MAP3K15: variants seen among roughly 807,000 people sequenced by gnomAD.
The protein encoded by MAP3K15 is mitogen-activated protein kinase kinase kinase 15, also known as MAPK/ERK kinase kinase 15.
MAP3K15 carries 124 observed loss-of-function variants against 99.5 expected under a neutral mutation model. The ratio of observed to expected loss-of-function variants is 1.25; its 90% CI spans 1.08 to 1.45. The LOEUF is 1.45. Among genes scored for constraint, MAP3K15 ranks in the 40% most tolerant of loss-of-function variants. The pLI is 0.00. For synonymous variants in MAP3K15, 494 were observed against 439.6 expected (o/e 1.12, Z -1.55); for missense variants, 1,242 against 1,079.7 (o/e 1.15, Z -2.11).
At chrX:19,378,558 G>A (rs190895130) in intron 19 of MAP3K15, among the ~76,000 whole-genome samples, 47 of 111,372 alleles carry the variant, frequency 4.2e-4, no homozygotes, top group African/African-American at 1.5e-3. Flanking sequence ...AGAAGAACTG[G>A]ATGGGGGAAA....
At chrX:19,499,152 A>G (rs1415508009) in intron 1 of MAP3K15, among the ~76,000 whole-genome samples, 1 of 112,228 alleles carries the variant, frequency 8.9e-6, no homozygotes, top group Non-Finnish European at 1.9e-5. Context: ...AGATATCTGC[A>G]TGTCCAAAAA....
rs759048123 is a variant in MAP3K15 at position 19,415,114 on chromosome X, C to G, written c.1583G>C (p.Arg528Thr). The G allele has an allele frequency of 2.6e-6, 3 of 1,154,286 alleles. No homozygotes were observed. Among genetic ancestry groups the G allele is most frequent in the Non-Finnish European group, 3.4e-6 (3 of 874,503 alleles). Residue 528 changes from arginine to threonine, a missense_variant, in exon 10 of 29, where the codon AGA becomes ACA. Arg to Thr is a moderately conservative substitution (Grantham distance 71). Coordinates refer to ENST00000338883, the MANE Select transcript of MAP3K15 (RefSeq NM_001001671.4). ...EATNEVTNGLRFPVLVIEPTK... is the reference protein window; with the variant it reads ...EATNEVTNGLTFPVLVIEPTK... ...GGATTTAGCATATCTTACTGGAAAT[C>G]TGAGTCCATTAGTGACTTCATTTGT...
intron 18 of MAP3K15, among the ~76,000 whole-genome samples, chrX:19,382,282 G>GC (rs1212260444): frequency 9.5e-6 from 1 of 105,302 alleles, no homozygotes; most frequent in African/African-American, 3.5e-5. Context: ...AGCAAAGGGC[G>GC]CACTGGCTAT....
Position 19,514,926 on chromosome X carries a change from G to A in MAP3K15, c.336C>T (p.Ala112=), listed in dbSNP as rs1367402027. The change falls in exon 1 of 29, where the codon GCC becomes GCT. Residue 112 remains alanine (A), a synonymous_variant. Coordinates refer to ENST00000338883, the MANE Select transcript of MAP3K15 (RefSeq NM_001001671.4). ...PFGELDFGET[A]VLDAFYDADV... ...CTGCGTCGTAGAAGGCGTCGAGCAC[G>A]GCCGTCTCCCCGAAGTCCAGCTCCC... is the stretch of plus-strand genomic sequence containing the variant. 17 of 1,143,541 alleles carry A rather than the reference G, an allele frequency of 1.5e-5. No individual in the cohort carries two copies. The highest frequency in any genetic ancestry group is 1.6e-5 in the Non-Finnish European group (14 of 865,502). The allele number at this position is 1,143,541 out of a possible 1,213,427, so 94.2% of individuals were successfully genotyped here.
At chrX:19,360,854 T>C (rs1198674515) in intron 28 of MAP3K15, 21 bp from the exon 29 acceptor site, 3 of 1,137,498 alleles carry the variant, frequency 2.6e-6, no homozygotes, top group Non-Finnish European at 3.6e-6. Context: ...AACACAGCTG[T>C]CTTCAGAGTC....
At chrX:19,463,704 A>G (rs930461578) in intron 4 of MAP3K15, among the ~76,000 whole-genome samples, 1 of 111,232 alleles carries the variant, frequency 9.0e-6, no homozygotes, top group Non-Finnish European at 1.9e-5. Context: ...CCTAACCTAA[A>G]TCTAAAGAGA....
rs369062028 is a variant in MAP3K15 at position 19,374,563 on chromosome X, C to T, written c.2687G>A (p.Arg896His). 4.1e-5 allele frequency: 50 copies of T among 1,209,510 alleles called. No homozygotes were observed. The highest frequency in any genetic ancestry group is 2.3e-4 in the African/African-American group (13 of 57,034). Residue 896 changes from arginine to histidine, a missense_variant, in exon 20 of 29, where the codon CGT becomes CAT. Arg to His is a conservative substitution (Grantham distance 29). Transcript: ENST00000338883. ...TCTCAGTAGCTCAGCAGTGGTGGCA[C>T]GTTTGTGGGGGTCAGGCTCGAAACA... Reference protein sequence around the residue: ...LSCFEPDPHKRATTAELLREG... With the variant: ...LSCFEPDPHKHATTAELLREG...
At chrX:19,387,617 G>A (rs1371468083) in intron 18 of MAP3K15, among the ~76,000 whole-genome samples, 2 of 110,815 alleles carry the variant, frequency 1.8e-5, no homozygotes, top group Non-Finnish European at 3.8e-5. Context: ...AAACTCCTGG[G>A]CTCAAGCGAT....
At chrX:19,473,801 C>T (rs1310483595) in intron 3 of MAP3K15, among the ~76,000 whole-genome samples, 3 of 111,865 alleles carry the variant, frequency 2.7e-5, no homozygotes, top group Non-Finnish European at 3.8e-5. Context: ...AAAGACTGTC[C>T]TATGTCATCA....
At position 19,374,632 on chromosome X, in the gene MAP3K15, A is replaced by C. The variant is rs764860702; in HGVS notation, c.2618T>G (p.Ile873Ser). 14 of 1,211,245 alleles carry C rather than the reference A, an allele frequency of 1.2e-5. No individual in the cohort carries two copies. Among genetic ancestry groups the C allele is most frequent in the Non-Finnish European group, 1.6e-5 (14 of 895,204 alleles). The change falls in exon 20 of 29, where the codon ATT becomes AGT. Residue 873 changes from isoleucine (I) to serine (S), a missense_variant. Physicochemically the swap from Ile to Ser is moderately radical, Grantham distance 142. Transcript: ENST00000338883. ...KVGMFKIHPE[I>S]PEALSAEARA... The stretch of plus-strand genomic sequence containing the variant: ...GGCTTCAGCTGAAAGGGCTTCTGGA[A>C]TCTCAGGGTGGATCTTAAACATGCC...
At chrX:19,512,360 C>T (rs910820891) in intron 1 of MAP3K15, among the ~76,000 whole-genome samples, 2 of 112,087 alleles carry the variant, frequency 1.8e-5, no homozygotes, top group Admixed American at 9.5e-5. Context: ...AACAGTTCCC[C>T]TCCCCCACAA....
At chrX:19,495,340 A>G (rs967810164) in intron 1 of MAP3K15, among the ~76,000 whole-genome samples, 2 of 111,394 alleles carry the variant, frequency 1.8e-5, no homozygotes, top group Non-Finnish European at 3.8e-5. Flanking sequence ...TTATTTTCCA[A>G]TCTCATAAGA....
At chrX:19,377,733 C>T (rs1261600767) in intron 19 of MAP3K15, among the ~76,000 whole-genome samples, 1 of 111,783 alleles carries the variant, frequency 8.9e-6, no homozygotes, top group East Asian at 2.8e-4. Flanking sequence ...TTTTCCTCGT[C>T]ACCAGCTGCT....
At position 19,424,331 on chromosome X, in the gene MAP3K15, TA is replaced by T. The variant is rs776658900; in HGVS notation, c.1439+1199del. The stretch of plus-strand genomic sequence containing the variant: ...ACACATATATATACATATATATATA[TA>T]TTTTTTTATGCTTTAAGTTCTAGGG... On this transcript the variant is annotated intron_variant, in intron 9 of 28. Coordinates refer to ENST00000338883, the MANE Select transcript of MAP3K15 (RefSeq NM_001001671.4). Among the ~76,000 whole-genome samples, 720 of 100,991 alleles carry T rather than the reference TA, an allele frequency of 7.1e-3. 5 individuals are homozygous for T. Among genetic ancestry groups the T allele is most frequent in the African/African-American group, 0.018 (415 of 22,883 alleles). 87.7% of individuals were successfully genotyped at this position (100,991 alleles called of 115,157 possible).
At chrX:19,361,253 G>A in intron 28 of MAP3K15, 86 bp downstream of exon 28, 1 of 791,139 alleles carries the variant, frequency 1.3e-6, no homozygotes, top group Non-Finnish European at 1.8e-6. Context: ...TTTGGGGGGA[G>A]GCCCAGCCCT....
intron 3 of MAP3K15, among the ~76,000 whole-genome samples, chrX:19,483,272 A>G (rs1444694315): frequency 1.8e-5 from 2 of 109,548 alleles, no homozygotes; most frequent in Non-Finnish European, 3.8e-5. Flanking sequence ...AAAAAAAAAA[A>G]AAAGAAATGG....
At chrX:19,445,186 G>A (rs2063986551) in intron 6 of MAP3K15, among the ~76,000 whole-genome samples, 1 of 110,608 alleles carries the variant, frequency 9.0e-6, no homozygotes, top group Non-Finnish European at 1.9e-5. Context: ...AAACTTCCTA[G>A]GCTCATCTCC....
At chrX:19,454,497 C>T (rs1043949182) in intron 6 of MAP3K15, among the ~76,000 whole-genome samples, 23 of 111,853 alleles carry the variant, frequency 2.1e-4, no homozygotes, top group African/African-American at 5.2e-4. Flanking sequence ...GGCTTCTGAA[C>T]GCAGTGGAGT....
At chrX:19,495,165 C>A (rs2064392347) in intron 1 of MAP3K15, among the ~76,000 whole-genome samples, 1 of 111,562 alleles carries the variant, frequency 9.0e-6, no homozygotes, top group South Asian at 3.7e-4. Context: ...GCATGCACCA[C>A]CATGCCTGGC....
Sources: gnomAD v4.1 joint callset for allele counts (sites outside exome capture counted in the v4.1 genomes callset) on GRCh38, gnomAD v4.1.1 for gene constraint, MANE v1.5 for transcripts, NCBI Gene and HGNC (gene_info 2026-07-23, HGNC 2026-07-21) for gene names.